The following TMC2 variants were observed in gnomAD, a reference collection of about 807,000 sequenced individuals.
TMC2 encodes transmembrane channel like 2, also known as transmembrane channel-like protein 2.
A neutral mutation model predicts 105.9 loss-of-function variants in TMC2; 102 were observed. That is an observed-to-expected ratio of 0.96 (90% CI 0.82 to 1.14). The LOEUF (loss-of-function observed/expected upper bound fraction) is 1.14. TMC2 is among the 50% of genes most tolerant of loss of function. TMC2 has a pLI of 0.00. For synonymous variants in TMC2, 402 were observed against 422.8 expected (o/e 0.95, Z 0.60); for missense variants, 1,093 against 1,134.3 (o/e 0.96, Z 0.52).
intron 18 of TMC2, among the ~76,000 whole-genome samples, chr20:2,636,282 A>G (rs1479005137): frequency 1.3e-5 from 2 of 152,218 alleles, no homozygotes; most frequent in African/African-American, 2.4e-5. Flanking sequence ...TCATACAGAA[A>G]AAGCCAGTAT....
chr20:2,637,435 T>C, intron 18 of TMC2, 39 bp from the exon 19 acceptor site: 1 of 1,405,830 alleles, frequency 7.1e-7, no homozygotes, highest in Non-Finnish European at 1.0e-6. Flanking sequence ...CAAAGACCCA[T>C]TTCCTGGGCC....
intron 9 of TMC2, among the ~76,000 whole-genome samples, chr20:2,596,238 A>G (rs2086305637): frequency 6.6e-6 from 1 of 152,202 alleles, no homozygotes; most frequent in Non-Finnish European, 1.5e-5. Flanking sequence ...AGGATGAAAT[A>G]GGAAGGTCCA....
rs575609105 is a variant in TMC2 at position 2,558,657 on chromosome 20, G to T, written c.284G>T (p.Cys95Phe). The change falls in exon 3 of 20, where the codon TGC (cysteine) becomes TTC (phenylalanine). Residue 95 changes from cysteine to phenylalanine, a missense_variant. Transcript: ENST00000358864. This position sits in a 1 kb window ranked among gnomAD's most constrained non-coding sequence, Gnocchi z 4.6. ...GAGCGGGGCGAGGCAGAGAGGACCT[G>T]CGAGGGCAGGAGAAAGCGCGACGAG... ...EQERGEAERTCEGRRKRDERA... is the reference protein window; with the variant it reads ...EQERGEAERTFEGRRKRDERA... The T allele has an allele frequency of 1.4e-5, 22 of 1,585,880 alleles. 1 individual carries two copies. The African/African-American group carries it at 2.4e-4, about 17-fold the overall frequency.
chr20:2,558,913 CCCAGCCCTTA>C lies in TMC2; in HGVS notation c.401+143_401+152del. On this transcript the variant is annotated intron_variant, in intron 3 of 19. Transcript: ENST00000358864. The surrounding 1 kb of genome is among the most constrained non-coding windows in gnomAD (Gnocchi z 4.6). ...TGCCCTCGCTCTGGCTTCCGTGCCTCCCAGCCCTTACCACTGCCCCACTCTGCGGTGGGTT... is the reference window on the plus strand; with the variant it reads ...TGCCCTCGCTCTGGCTTCCGTGCCTCCCACTGCCCCACTCTGCGGTGGGTT... 1 of 843,564 alleles carries C rather than the reference CCCAGCCCTTA, an allele frequency of 1.2e-6. No individual in the cohort carries two copies. 52.3% of individuals were successfully genotyped at this position (843,564 alleles called of 1,614,324 possible). A position where few individuals can be genotyped will look rare whatever the true frequency, so the allele number is the denominator to read the frequency against.
intron 5 of TMC2, among the ~76,000 whole-genome samples, chr20:2,572,859 G>A (rs900844314): frequency 2.0e-5 from 3 of 152,044 alleles, no homozygotes; most frequent in African/African-American, 7.2e-5. Context: ...ATCATTTGAT[G>A]TCATTACCTC....
In TMC2 at chr20:2,600,411, C is replaced by T. The variant is rs1206962334; in HGVS notation, c.1225-1702C>T. Among the ~76,000 whole-genome samples the T allele has an allele frequency of 1.4e-4, 22 of 152,190 alleles. 1 individual carries two copies. The highest frequency in any genetic ancestry group is 1.4e-3 in the Admixed American group (21 of 15,280). On this transcript the variant is annotated intron_variant, in intron 10 of 19. Transcript: ENST00000358864. ...ATAAGTTTAAGGCCAGGCACAGTGG[C>T]TCATGCCTGTAATCCCAGCACTTTG...
At chr20:2,584,438 C>T (rs1426294115) in intron 7 of TMC2, among the ~76,000 whole-genome samples, 9 of 138,216 alleles carry the variant, frequency 6.5e-5, no homozygotes, top group South Asian at 2.2e-4. Flanking sequence ...AGCGAGACTC[C>T]GTCTCAAAAA....
rs370881578 is a variant in TMC2 at position 2,602,168 on chromosome 20, G to C, written c.1280G>C (p.Arg427Thr). ...AAAGAAGAAAATATCCATCTGACAA[G>C]ATTTCTTCGTGTCCTGGCCAACTTT... is the stretch of plus-strand genomic sequence containing the variant. Reference protein sequence around the residue: ...SNKEENIHLTRFLRVLANFLI... With the variant: ...SNKEENIHLTTFLRVLANFLI... The change falls in exon 11 of 20, where the codon AGA becomes ACA. Residue 427 changes from arginine to threonine, a missense_variant. Arg to Thr is a moderately conservative substitution (Grantham distance 71). Coordinates refer to ENST00000358864, the MANE Select transcript of TMC2 (RefSeq NM_080751.3). 6.2e-7 allele frequency: 1 copy of C among 1,613,088 alleles called. No individual in the cohort carries two copies. Among genetic ancestry groups the C allele is most frequent in the African/African-American group, 1.3e-5 (1 of 74,862 alleles).
intron 4 of TMC2, among the ~76,000 whole-genome samples, chr20:2,565,435 G>A (rs981416986): frequency 5.9e-5 from 9 of 152,192 alleles, no homozygotes; most frequent in Admixed American, 1.3e-4. Flanking sequence ...TAGAGACAAG[G>A]TCTCGCTATG....
In TMC2 at chr20:2,572,172, T is replaced by A; in HGVS notation, c.555-7T>A. The A allele has an allele frequency of 6.2e-7, 1 of 1,602,474 alleles. No homozygotes were observed. On this transcript the variant is annotated splice_polypyrimidine_tract_variant and splice_region_variant and intron_variant, in intron 4 of 19. Coordinates refer to ENST00000358864, the MANE Select transcript of TMC2 (RefSeq NM_080751.3). ...GAAATCCTGCTTTTTTTTTTTTTTC[T>A]AAGCAGGGAGGCCCAGGAATTTGTG...
chr20:2,637,280 G>A (rs527312174), intron 18 of TMC2, among the ~76,000 whole-genome samples, 194 bp from the exon 19 acceptor site: 4 of 151,780 alleles, frequency 2.6e-5, no homozygotes, highest in South Asian at 2.1e-4. Flanking sequence ...CCAGCTACTC[G>A]AGAGGCTGAG....
intron 16 of TMC2, among the ~76,000 whole-genome samples, chr20:2,623,679 G>A (rs2086542925): frequency 6.6e-6 from 1 of 152,186 alleles, no homozygotes; most frequent in African/African-American, 2.4e-5. Context: ...AGAGCCAGCA[G>A]CATCCAGGAG....
At chr20:2,601,917 TG>T (rs1256573134) in intron 10 of TMC2, among the ~76,000 whole-genome samples, 195 bp from the exon 11 acceptor site, 1 of 152,218 alleles carries the variant, frequency 6.6e-6, no homozygotes, top group African/African-American at 2.4e-5. Context: ...GTTTCTTACA[TG>T]TACTGGAATA....
intron 2 of TMC2, 117 bp downstream of exon 2, chr20:2,537,433 C>T: frequency 1.1e-6 from 1 of 877,426 alleles, no homozygotes; most frequent in Non-Finnish European, 1.9e-6. Flanking sequence ...TCTCATTCAA[C>T]ACCCTGCATG....
chr20:2,584,316 T>C (rs112318945), intron 7 of TMC2, among the ~76,000 whole-genome samples: 15,755 of 131,700 alleles, frequency 0.12, 1,821 homozygotes, highest in African/African-American at 0.26. Context: ...TAGTGGCGGG[T>C]GCCTGTGGTC....
Position 2,641,245 on chromosome 20 carries a change from C to T in TMC2, c.2615C>T (p.Pro872Leu). The T allele has an allele frequency of 6.2e-7, 1 of 1,614,174 alleles. No individual in the cohort carries two copies. Among genetic ancestry groups the T allele is most frequent in the Non-Finnish European group, 8.5e-7 (1 of 1,180,010 alleles). The change falls in exon 20 of 20, where the codon CCT becomes CTT. Residue 872 changes from proline (P) to leucine (L), a missense_variant. Pro to Leu is a moderately conservative substitution (Grantham distance 98). Transcript: ENST00000358864. ...ACACTGCCTGCCTCTGGACACCTTC[C>T]TATATCTCGGCCCCCTGGAATCGGA... ...RTTLPASGHL[P>L]ISRPPGIGPD...
chr20:2,603,205 G>A (rs529162370), intron 11 of TMC2, among the ~76,000 whole-genome samples: 240 of 149,836 alleles, frequency 1.6e-3, no homozygotes, highest in Non-Finnish European at 2.7e-3. Flanking sequence ...ACAAAAGAAC[G>A]ACCCAGTTAA....
intron 4 of TMC2, among the ~76,000 whole-genome samples, chr20:2,570,017 G>C (rs2086092131): frequency 6.6e-6 from 1 of 152,186 alleles, no homozygotes; most frequent in Non-Finnish European, 1.5e-5. Flanking sequence ...GAAACTCATA[G>C]TGAAATTCAT....
chr20:2,539,990 C>CTTTTTTTTTTTTTTT (rs57860432), intron 2 of TMC2, among the ~76,000 whole-genome samples: 2 of 115,116 alleles, frequency 1.7e-5, no homozygotes, highest in South Asian at 2.9e-4. Context: ...CTTTTCTTTT[C>CTTTTTTTTTTTTTTT]TTTTTTTTTT....
Sources: allele counts gnomAD v4.1 joint callset (sites outside exome capture counted in the v4.1 genomes callset), GRCh38; gene constraint gnomAD v4.1.1; non-coding constraint Gnocchi (gnomAD v3.1); transcripts MANE v1.5; gene names NCBI Gene and HGNC (gene_info 2026-07-23, HGNC 2026-07-21).